The following DPYD variants were observed in gnomAD, a reference collection of about 807,000 sequenced individuals.
DPYD encodes the protein dihydropyrimidine dehydrogenase.
In DPYD, 109 loss-of-function variants were observed where a neutral mutation model predicts 116.2. That is an observed-to-expected ratio of 0.94 (90% CI 0.80 to 1.10). The LOEUF (loss-of-function observed/expected upper bound fraction) is 1.10, where lower values mean the gene tolerates loss of function less well. Ranked by LOEUF, DPYD falls within the 50% of genes least tolerant of loss-of-function variation. The pLI is 0.00. For missense variants in DPYD, 1,302 were observed against 1,254.5 expected (o/e 1.04, Z -0.57); for synonymous variants, 440 against 432.0 (o/e 1.02, Z -0.23).
chr1:97,448,967 A>T (rs1433336350), intron 14 of DPYD, among the ~76,000 whole-genome samples: 1 of 151,990 alleles, frequency 6.6e-6, no homozygotes, highest in Admixed American at 6.6e-5. Flanking sequence ...CATGTATTTT[A>T]TTTCAAGTTT....
chr1:97,514,131 G>T, intron 13 of DPYD: 1 of 883,480 alleles, frequency 1.1e-6, no homozygotes, highest in Non-Finnish European at 1.4e-6. Flanking sequence ...CTTCTAAATT[G>T]ATAGATTAAA....
chr1:97,378,630 T>C (rs1671768488), intron 15 of DPYD, among the ~76,000 whole-genome samples: 1 of 152,192 alleles, frequency 6.6e-6, no homozygotes, highest in South Asian at 2.1e-4. Context: ...ATACCATTCT[T>C]CCCATTTATT....
chr1:97,474,934 C>A (rs1019881729), intron 13 of DPYD, among the ~76,000 whole-genome samples: 1 of 151,760 alleles, frequency 6.6e-6, no homozygotes, highest in Non-Finnish European at 1.5e-5. Context: ...TATCTTATAT[C>A]TATGAAAGTT....
intron 8 of DPYD, among the ~76,000 whole-genome samples, chr1:97,604,699 T>C (rs1655476151): frequency 1.3e-5 from 2 of 152,102 alleles, no homozygotes; most frequent in African/African-American, 4.8e-5. Flanking sequence ...AAAATCACAG[T>C]ACTTTTCTAG....
chr1:97,414,298 T>A (rs1366915966), intron 14 of DPYD, among the ~76,000 whole-genome samples: 2 of 152,200 alleles, frequency 1.3e-5, no homozygotes, highest in Non-Finnish European at 2.9e-5. Flanking sequence ...CTTGGTTGAG[T>A]AGACAATTTC....
intron 3 of DPYD, among the ~76,000 whole-genome samples, chr1:97,813,915 G>GAC (rs59229553): frequency 0.12 from 17,060 of 144,538 alleles, 1,093 homozygotes; most frequent in Non-Finnish European, 0.16. Context: ...GAAACACACA[G>GAC]ACACACACAC....
chr1:97,817,292 T>C (rs979080383), intron 3 of DPYD, among the ~76,000 whole-genome samples: 3 of 152,130 alleles, frequency 2.0e-5, no homozygotes, highest in South Asian at 2.1e-4. Flanking sequence ...ACACATTTTT[T>C]AAAAACAACT....
At chr1:97,642,511 A>C (rs953325940) in intron 8 of DPYD, among the ~76,000 whole-genome samples, 3 of 152,100 alleles carry the variant, frequency 2.0e-5, no homozygotes, top group Non-Finnish European at 4.4e-5. Context: ...TTATTTAATA[A>C]ATGTTGTTGG....
chr1:97,297,531 C>A (rs1190407551), intron 18 of DPYD, among the ~76,000 whole-genome samples: 1 of 152,112 alleles, frequency 6.6e-6, no homozygotes, highest in East Asian at 1.9e-4. Context: ...GAGCTCAGTG[C>A]ATAGTGTAAC....
At chr1:97,104,985 A>G (rs1185955013) in intron 20 of DPYD, among the ~76,000 whole-genome samples, 1 of 152,140 alleles carries the variant, frequency 6.6e-6, no homozygotes, top group African/African-American at 2.4e-5. Context: ...GAGGACCAGG[A>G]GGCTGTTCCT....
In DPYD at chr1:97,691,351, C is replaced by T. The variant is rs913779044; in HGVS notation, c.762+366G>A. 4.4e-5 allele frequency: 8 copies of T among 180,908 alleles called. No individual in the cohort carries two copies. In the East Asian group the frequency reaches 1.1e-3, roughly 25 times the overall value. 11.2% of individuals were successfully genotyped at this position (180,908 alleles called of 1,614,324 possible). A position where few individuals can be genotyped will look rare whatever the true frequency, so the allele number is the denominator to read the frequency against. ...ATAAATCTCCATAAGAAATTATGTT[C>T]CAAATTGTGAAATACTAATGTTTCA... On this transcript the variant is annotated intron_variant, in intron 7 of 22. Coordinates refer to ENST00000370192, the MANE Select transcript of DPYD (RefSeq NM_000110.4).
At chr1:97,216,379 A>T (rs1660398252) in intron 19 of DPYD, among the ~76,000 whole-genome samples, 1 of 152,220 alleles carries the variant, frequency 6.6e-6, no homozygotes, top group Non-Finnish European at 1.5e-5. Context: ...GCAGTAAAAC[A>T]TTCAAAAGTT....
chr1:97,383,746 G>A (rs1176494392), intron 14 of DPYD, among the ~76,000 whole-genome samples: 1 of 152,042 alleles, frequency 6.6e-6, no homozygotes, highest in Non-Finnish European at 1.5e-5. Flanking sequence ...TAACGACTAG[G>A]TTTTGCTAGC....
chr1:97,291,164 A>G (rs893667223), intron 18 of DPYD, among the ~76,000 whole-genome samples: 8 of 151,746 alleles, frequency 5.3e-5, no homozygotes, highest in African/African-American at 1.2e-4. Context: ...TTAGAATGGC[A>G]ATCATTAAAA....
intron 16 of DPYD, among the ~76,000 whole-genome samples, chr1:97,319,253 G>A (rs1368329423): frequency 4.0e-5 from 6 of 150,736 alleles, no homozygotes; most frequent in South Asian, 2.1e-4. Flanking sequence ...GAAGGAAATA[G>A]AGACACAAAA....
chr1:97,561,381 C>A (rs1225728683), intron 11 of DPYD, among the ~76,000 whole-genome samples: 3 of 152,146 alleles, frequency 2.0e-5, no homozygotes, highest in African/African-American at 7.2e-5. Flanking sequence ...TCACTTCATT[C>A]TTTTCATTCA....
intron 7 of DPYD, among the ~76,000 whole-genome samples, chr1:97,681,499 G>A (rs1660426825): frequency 6.6e-6 from 1 of 151,978 alleles, no homozygotes. Flanking sequence ...ATAATAAGGG[G>A]ACAACCAAGG....
intron 8 of DPYD, among the ~76,000 whole-genome samples, chr1:97,634,727 G>A (rs538053694): frequency 1.3e-5 from 2 of 152,086 alleles, no homozygotes; most frequent in South Asian, 4.1e-4. Flanking sequence ...TTGTAGGTGA[G>A]CATTGTGCAG....
At chr1:97,834,856 C>T (rs1200622581) in intron 2 of DPYD, among the ~76,000 whole-genome samples, 1 of 151,712 alleles carries the variant, frequency 6.6e-6, no homozygotes, top group African/African-American at 2.4e-5. Flanking sequence ...TCAAAACTAG[C>T]CCTGCTGAAG....
Sources: gnomAD v4.1 joint callset for allele counts (sites outside exome capture counted in the v4.1 genomes callset) on GRCh38, gnomAD v4.1.1 for gene constraint, MANE v1.5 for transcripts, NCBI Gene and HGNC (gene_info 2026-07-23, HGNC 2026-07-21) for gene names.